Variants in RPSA2 observed in about 807,000 individuals in gnomAD.
The protein encoded by RPSA2 is ribosomal protein SA 2.
the RPSA2 span, among the ~76,000 whole-genome samples, chr19:23,824,389 T>G: frequency 5.3e-5 from 8 of 151,944 alleles, no homozygotes; most frequent in South Asian, 2.1e-4. Context: ...TGAAGTAACC[T>G]TGAGTTTCAC....
At chr19:23,791,423 A>C in the RPSA2 span, among the ~76,000 whole-genome samples, 1 of 152,216 alleles carries the variant, frequency 6.6e-6, no homozygotes, top group Non-Finnish European at 1.5e-5. Context: ...TTACCAAAAA[A>C]TGCTCTTGAG....
chr19:23,867,499 G>A, the RPSA2 span, among the ~76,000 whole-genome samples: 1 of 151,266 alleles, frequency 6.6e-6, no homozygotes, highest in East Asian at 2.0e-4. Flanking sequence ...TTCCTACAAG[G>A]AAACCCTAAC....
the RPSA2 span, among the ~76,000 whole-genome samples, chr19:23,768,948 T>C: frequency 8.5e-5 from 13 of 152,112 alleles, no homozygotes; most frequent in Non-Finnish European, 1.5e-5. Context: ...AAAGAGATTG[T>C]GACATATATT....
the RPSA2 span, among the ~76,000 whole-genome samples, chr19:23,792,378 C>A: frequency 6.6e-6 from 1 of 152,094 alleles, no homozygotes; most frequent in African/African-American, 2.4e-5. Flanking sequence ...CTGAGAGAAA[C>A]TACAGAGCCT....
At chr19:23,790,240 A>T in the RPSA2 span, among the ~76,000 whole-genome samples, 1 of 151,680 alleles carries the variant, frequency 6.6e-6, no homozygotes, top group Non-Finnish European at 1.5e-5. Flanking sequence ...CTCGTGATCC[A>T]CCCGCCTAGG....
chr19:23,779,993 C>T, the RPSA2 span, among the ~76,000 whole-genome samples: 115 of 152,260 alleles, frequency 7.6e-4, no homozygotes, highest in African/African-American at 2.5e-3. Flanking sequence ...CGCTCTCCTG[C>T]GTGATTTCTG....
chr19:23,841,818 A>T, the RPSA2 span, among the ~76,000 whole-genome samples: 4 of 152,340 alleles, frequency 2.6e-5, no homozygotes, highest in Non-Finnish European at 4.4e-5. Context: ...ACCAGGTTAC[A>T]TATTAGCAGA....
chr19:23,761,931 T>TCTTTCTTTCTCTCTCTCTCTCTCTCTC, the RPSA2 span, among the ~76,000 whole-genome samples: 21 of 61,714 alleles, frequency 3.4e-4, no homozygotes, highest in Admixed American at 5.0e-4. Flanking sequence ...TTTTTTTTTT[T>TCTTTCTTTCTCTCTCTCTCTCTCTCTC]TTTTGAGATG....
the RPSA2 span, among the ~76,000 whole-genome samples, chr19:23,763,616 G>A: frequency 6.6e-6 from 1 of 152,210 alleles, no homozygotes; most frequent in South Asian, 2.1e-4. Context: ...TTACAGACCT[G>A]CGCCACCCCG....
chr19:23,830,369 T>A, the RPSA2 span, among the ~76,000 whole-genome samples: 2 of 152,174 alleles, frequency 1.3e-5, no homozygotes, highest in Non-Finnish European at 2.9e-5. Flanking sequence ...GGCCTTGAAC[T>A]CCTGACCTCA....
chr19:23,858,924 G>T, the RPSA2 span, among the ~76,000 whole-genome samples: 1 of 152,008 alleles, frequency 6.6e-6, no homozygotes, highest in African/African-American at 2.4e-5. Flanking sequence ...AAGCCAGTCT[G>T]TAAAATCCGC....
At chr19:23,785,249 G>A in the RPSA2 span, among the ~76,000 whole-genome samples, 2 of 152,236 alleles carry the variant, frequency 1.3e-5, no homozygotes, top group Middle Eastern at 3.4e-3. Flanking sequence ...GTTGCATTGT[G>A]ACATATTGCT....
chr19:23,857,797 T>C, the RPSA2 span, among the ~76,000 whole-genome samples: 3 of 152,034 alleles, frequency 2.0e-5, no homozygotes, highest in Non-Finnish European at 2.9e-5. Flanking sequence ...ACCTGGCCCT[T>C]TTTTAAAGTC....
the RPSA2 span, among the ~76,000 whole-genome samples, chr19:23,817,041 T>C: frequency 2.7e-3 from 415 of 152,364 alleles, no homozygotes; most frequent in African/African-American, 9.7e-3. Context: ...ACAACTTCAA[T>C]TGAATATAAA....
chr19:23,824,989 G>GT, the RPSA2 span, among the ~76,000 whole-genome samples: 31 of 150,034 alleles, frequency 2.1e-4, no homozygotes, highest in East Asian at 3.0e-3. Context: ...TTTTGTTTTT[G>GT]TTTTTTTTGA....
chr19:23,788,379 A>T, the RPSA2 span, among the ~76,000 whole-genome samples: 3 of 152,086 alleles, frequency 2.0e-5, no homozygotes, highest in African/African-American at 7.2e-5. Flanking sequence ...ATGTTGCTGG[A>T]TGCAGCATTT....
the RPSA2 span, among the ~76,000 whole-genome samples, chr19:23,845,665 A>T: frequency 3.3e-5 from 5 of 151,852 alleles, no homozygotes; most frequent in African/African-American, 4.8e-5. Flanking sequence ...CTATTTTTAA[A>T]TTTTTTTTGT....
chr19:23,820,802 T>G, the RPSA2 span, among the ~76,000 whole-genome samples: 1 of 152,232 alleles, frequency 6.6e-6, no homozygotes, highest in East Asian at 1.9e-4. Flanking sequence ...TCAGCTCTGC[T>G]TTTTGGGCTG....
the RPSA2 span, among the ~76,000 whole-genome samples, chr19:23,862,801 A>C: frequency 3.3e-5 from 5 of 150,924 alleles, no homozygotes; most frequent in African/African-American, 1.2e-4. Flanking sequence ...TAACAGTTTG[A>C]GTTCTAATAG....
Sources: gnomAD v4.1 joint callset for allele counts (sites outside exome capture counted in the v4.1 genomes callset) on GRCh38, gnomAD v4.1.1 for gene constraint, MANE v1.5 for transcripts, NCBI Gene and HGNC (gene_info 2026-07-23, HGNC 2026-07-21) for gene names.